Variants in GAPVD1 observed in about 807,000 individuals in gnomAD.
GAPVD1 encodes the protein GTPase activating protein and VPS9 domains 1.
GAPVD1 carries 35 observed loss-of-function variants against 155.5 expected under a neutral mutation model. That is an observed-to-expected ratio of 0.23 (90% CI 0.17 to 0.30). GAPVD1 has a LOEUF of 0.30. Ranked by LOEUF, GAPVD1 falls within the 10% of genes least tolerant of loss-of-function variation. The pLI, the probability that GAPVD1 is intolerant of heterozygous loss-of-function variation, is 1.00. For missense variants in GAPVD1, 1,429 were observed against 1,775.7 expected (o/e 0.80, Z 3.51); for synonymous variants, 636 against 619.7 (o/e 1.03, Z -0.39).
intron 13 of GAPVD1, among the ~76,000 whole-genome samples, chr9:125,330,557 T>C (rs567331480): frequency 6.6e-6 from 1 of 152,294 alleles, no homozygotes; most frequent in Admixed American, 6.5e-5. Context: ...CCTCAGGTGA[T>C]CTGCCCACCT....
At position 125,360,695 on chromosome 9, in the gene GAPVD1, T is replaced by A; in HGVS notation, c.4212T>A (p.Phe1404Leu). The change falls in exon 27 of 28, where the codon TTT (phenylalanine) becomes TTA (leucine). Residue 1404 changes from phenylalanine to leucine, a missense_variant. Phe to Leu is a conservative substitution (Grantham distance 22). This residue lies in a region of GAPVD1 where 102 missense variants were observed against 196.5 expected (regional missense o/e 0.52). Transcript: ENST00000297933. ...ACTCTGTCCCTGGAGCGGATGACTT[T>A]GTTCCTGTGTTGGTGTTTGTGTTGA... ...NEDSVPGADD[F>L]VPVLVFVLIK... 1 of 1,613,998 alleles carries A rather than the reference T, an allele frequency of 6.2e-7. No individual in the cohort carries two copies. The highest frequency in any genetic ancestry group is 1.1e-5 in the South Asian group (1 of 91,074).
Position 125,337,060 on chromosome 9 carries a change from T to C in GAPVD1, c.2471T>C (p.Leu824Pro), listed in dbSNP as rs1431877760. ...LTSPPSQSES[L>P]LAMFDPLSSH... ...TCTCCTCCTTCTCAGTCAGAGTCTC[T>C]GCTGGCCATGTTTGATCCACTGTCT... is the stretch of plus-strand genomic sequence containing the variant. The change falls in exon 16 of 28, where the codon CTG becomes CCG. Residue 824 changes from leucine to proline, a missense_variant. Leu to Pro is a moderately conservative substitution (Grantham distance 98). This residue lies in a region of GAPVD1 where 699 missense variants were observed against 826.0 expected (regional missense o/e 0.85). Coordinates refer to ENST00000297933, the MANE Select transcript of GAPVD1 (RefSeq NM_001282680.3). 1.9e-6 allele frequency: 3 copies of C among 1,613,450 alleles called. No homozygotes were observed. In the South Asian group the frequency reaches 3.3e-5, roughly 18 times the overall value.
chr9:125,281,403 C>T (rs867531921), intron 2 of GAPVD1, among the ~76,000 whole-genome samples: 2 of 152,124 alleles, frequency 1.3e-5, no homozygotes, highest in East Asian at 3.8e-4. Flanking sequence ...CCTGCCTCAG[C>T]CTCCCAAAGT....
chr9:125,310,261 C>G (rs1408586509), intron 8 of GAPVD1, among the ~76,000 whole-genome samples: 1 of 152,040 alleles, frequency 6.6e-6, no homozygotes. Context: ...CTATTTTAGA[C>G]TTGGAAATTG....
At chr9:125,272,509 G>T (rs944880249) in intron 2 of GAPVD1, among the ~76,000 whole-genome samples, 1 of 152,138 alleles carries the variant, frequency 6.6e-6, no homozygotes, top group Non-Finnish European at 1.5e-5. Context: ...ATAAGTTTCT[G>T]TTCCTTAGTT....
intron 2 of GAPVD1, among the ~76,000 whole-genome samples, chr9:125,281,022 A>G (rs1334162391): frequency 1.3e-5 from 2 of 152,202 alleles, no homozygotes; most frequent in East Asian, 3.8e-4. Flanking sequence ...TAATATAGCT[A>G]TGGAAATTTT....
intron 9 of GAPVD1, among the ~76,000 whole-genome samples, chr9:125,318,888 T>C (rs891072891): frequency 4.0e-5 from 6 of 151,612 alleles, no homozygotes; most frequent in Non-Finnish European, 5.9e-5. Context: ...GTCTTAATAA[T>C]AAATAGGCCA....
At position 125,337,102 on chromosome 9, in the gene GAPVD1, C is replaced by T. The variant is rs937307109; in HGVS notation, c.2506+7C>T. On this transcript the variant is annotated splice_region_variant and intron_variant, in intron 16 of 27. Coordinates refer to ENST00000297933, the MANE Select transcript of GAPVD1 (RefSeq NM_001282680.3). ...CCACTGTCTTCACATGAAGGTAAAC[C>T]AGTGAAATGAACTTTTTCACTTATG... 8.1e-6 allele frequency: 13 copies of T among 1,606,344 alleles called. No individual in the cohort carries two copies. In the African/African-American group the frequency reaches 1.2e-4, roughly 15 times the overall value.
chr9:125,341,169 T>C lies in GAPVD1; in HGVS notation c.2878-8T>C, dbSNP rs1847804083. ...AACTCCAAATAAAGCCTCCAACTTT[T>C]TCTACAGACTGAAGAACGCAAAGAT... On this transcript the variant is annotated splice_polypyrimidine_tract_variant and splice_region_variant and intron_variant, in intron 17 of 27. Transcript: ENST00000297933. 7 of 1,503,122 alleles carry C rather than the reference T, an allele frequency of 4.7e-6. No individual in the cohort carries two copies. Among genetic ancestry groups the C allele is most frequent in the Non-Finnish European group, 6.5e-6 (7 of 1,078,500 alleles). The allele number at this position is 1,503,122 out of a possible 1,614,324, so 93.1% of individuals were successfully genotyped here. A position where few individuals can be genotyped will look rare whatever the true frequency, so the allele number is the denominator to read the frequency against.
intron 1 of GAPVD1, among the ~76,000 whole-genome samples, chr9:125,265,064 T>C (rs1389871495): frequency 1.3e-5 from 2 of 152,184 alleles, no homozygotes; most frequent in Non-Finnish European, 2.9e-5. Context: ...CAGCACTATG[T>C]TGTGCTTTTG....
intron 12 of GAPVD1, among the ~76,000 whole-genome samples, chr9:125,329,006 G>T (rs546639135): frequency 2.0e-5 from 3 of 151,650 alleles, no homozygotes; most frequent in East Asian, 1.9e-4. Context: ...GCCTGCAGTC[G>T]CAGGCACTCG....
chr9:125,338,412 A>G (rs1259271343), intron 17 of GAPVD1, among the ~76,000 whole-genome samples: 4 of 152,142 alleles, frequency 2.6e-5, no homozygotes, highest in African/African-American at 9.7e-5. Flanking sequence ...CACCCCATTC[A>G]TGTGTCCCAG....
rs13287753 is a variant in GAPVD1 at position 125,296,506 on chromosome 9, C to T, written c.-33+932C>T. On this transcript the variant is annotated intron_variant, in intron 3 of 27. Coordinates refer to ENST00000297933, the MANE Select transcript of GAPVD1 (RefSeq NM_001282680.3). The stretch of plus-strand genomic sequence containing the variant: ...AGTAACTGGGATTACAGGCATGTGC[C>T]ACCATGCCCGGCTAATTTTGTGTTT... Among the ~76,000 whole-genome samples the T allele has an allele frequency of 3.2e-3, 478 of 151,204 alleles. 3 individuals are homozygous for T. The highest frequency in any genetic ancestry group is 6.1e-3 in the Non-Finnish European group (413 of 67,850).
At chr9:125,281,708 T>C (rs1836819809) in intron 2 of GAPVD1, among the ~76,000 whole-genome samples, 1 of 152,228 alleles carries the variant, frequency 6.6e-6, no homozygotes, top group African/African-American at 2.4e-5. Flanking sequence ...CATACTATAT[T>C]ACATTTAGAT....
intron 1 of GAPVD1, among the ~76,000 whole-genome samples, chr9:125,268,194 A>ACCCCC (rs34598150): frequency 8.9e-6 from 1 of 112,416 alleles, no homozygotes; most frequent in African/African-American, 3.4e-5. Flanking sequence ...CAAACAAACA[A>ACCCCC]CCCCCCCCCC....
intron 11 of GAPVD1, among the ~76,000 whole-genome samples, chr9:125,324,406 C>T (rs1005656770): frequency 6.6e-6 from 1 of 152,032 alleles, no homozygotes; most frequent in African/African-American, 2.4e-5. Context: ...GCCTGACCAA[C>T]ATGGAGAAAG....
At chr9:125,287,482 C>T (rs759294249) in intron 2 of GAPVD1, among the ~76,000 whole-genome samples, 1 of 152,004 alleles carries the variant, frequency 6.6e-6, no homozygotes, top group Admixed American at 6.6e-5. Flanking sequence ...TCCAGCCAGC[C>T]TGGCGACAGA....
chr9:125,300,016 C>A (rs1840514274), intron 4 of GAPVD1, among the ~76,000 whole-genome samples: 1 of 9,082 alleles, frequency 1.1e-4, no homozygotes, highest in Non-Finnish European at 2.0e-4. Flanking sequence ...GAGACTCTGT[C>A]TCAAAAGAAA....
At chr9:125,303,857 C>T (rs1841356718) in intron 5 of GAPVD1, 2 of 151,332 alleles carry the variant, frequency 1.3e-5, no homozygotes, top group Admixed American at 1.3e-4. Context: ...TAGCAATTCA[C>T]TGTATAGAAA....
Sources: allele counts gnomAD v4.1 joint callset (sites outside exome capture counted in the v4.1 genomes callset), GRCh38; gene constraint gnomAD v4.1.1; regional missense constraint gnomAD v4.1.1; transcripts MANE v1.5; gene names NCBI Gene and HGNC (gene_info 2026-07-23, HGNC 2026-07-21).